PPP2R2B: variants seen among roughly 807,000 people sequenced by gnomAD.
PPP2R2B encodes the protein protein phosphatase 2 regulatory subunit Bbeta.
In PPP2R2B, 5 loss-of-function variants were observed where a neutral mutation model predicts 46.0. The ratio of observed to expected loss-of-function variants is 0.11; its 90% CI spans 0.06 to 0.23. The LOEUF is 0.23. PPP2R2B is among the 10% of genes least tolerant of loss of function. PPP2R2B has a pLI of 1.00. For missense variants in PPP2R2B, 367 were observed against 575.0 expected, an observed-to-expected ratio of 0.64 and a Z score of 3.70; for synonymous variants, 215 against 206.7, an observed-to-expected ratio of 1.04 and a Z score of -0.34.
intron 1 of PPP2R2B, among the ~76,000 whole-genome samples, chr5:146,930,282 A>G (rs2151821285): frequency 6.6e-6 from 1 of 152,294 alleles, no homozygotes; most frequent in Middle Eastern, 3.4e-3. Context: ...AGGAACAACA[A>G]GGACAGATGT....
intron 2 of PPP2R2B, among the ~76,000 whole-genome samples, chr5:146,811,622 G>A (rs562587681): frequency 3.5e-4 from 49 of 141,610 alleles, no homozygotes; most frequent in African/African-American, 4.0e-4. Context: ...GTGCAGTGGC[G>A]CGATCTCGGC....
chr5:146,674,501 C>G (rs1777579306), intron 5 of PPP2R2B, among the ~76,000 whole-genome samples: 1 of 152,220 alleles, frequency 6.6e-6, no homozygotes, highest in Admixed American at 6.5e-5. Context: ...ATTCCCTCAG[C>G]TCCTACATCC....
At chr5:147,077,212 A>C (rs1458716646) in intron 2 of PPP2R2B, among the ~76,000 whole-genome samples, 1 of 147,282 alleles carries the variant, frequency 6.8e-6, no homozygotes, top group East Asian at 1.9e-4. Context: ...TATGTACAAT[A>C]TACACATATG....
At chr5:146,756,831 A>G (rs1286556948) in intron 2 of PPP2R2B, among the ~76,000 whole-genome samples, 2 of 152,184 alleles carry the variant, frequency 1.3e-5, no homozygotes. Context: ...TGGATGGGTA[A>G]CAAGGCACAT....
At chr5:146,857,051 G>A (rs770466092) in intron 2 of PPP2R2B, among the ~76,000 whole-genome samples, 3 of 152,194 alleles carry the variant, frequency 2.0e-5, no homozygotes, top group Non-Finnish European at 4.4e-5. Context: ...GTAGTGATCA[G>A]GAGAGCTGGC....
intron 7 of PPP2R2B, among the ~76,000 whole-genome samples, chr5:146,636,775 G>A (rs75562149): frequency 6.3e-4 from 96 of 152,334 alleles, no homozygotes; most frequent in African/African-American, 2.3e-3. Flanking sequence ...AACCATCATT[G>A]CTATTTAACC....
At chr5:146,808,606 C>T (rs1757334951) in intron 2 of PPP2R2B, among the ~76,000 whole-genome samples, 2 of 152,208 alleles carry the variant, frequency 1.3e-5, no homozygotes, top group African/African-American at 2.4e-5. Flanking sequence ...AGTTCAAAGA[C>T]AGCATCCTAG....
chr5:146,947,042 C>T (rs1242673365), intron 1 of PPP2R2B, among the ~76,000 whole-genome samples: 1 of 67,518 alleles, frequency 1.5e-5, no homozygotes, highest in Admixed American at 1.8e-4. Context: ...TCTTCAGTTT[C>T]AGCCCCAAGG....
intron 2 of PPP2R2B, among the ~76,000 whole-genome samples, chr5:146,744,187 T>A (rs1753040691): frequency 6.6e-6 from 1 of 152,196 alleles, no homozygotes; most frequent in Non-Finnish European, 1.5e-5. Flanking sequence ...AGGCTGTTCC[T>A]GCATTTCCTC....
intron 1 of PPP2R2B, among the ~76,000 whole-genome samples, chr5:146,889,728 T>C (rs549266124): frequency 1.6e-4 from 24 of 152,332 alleles, no homozygotes; most frequent in African/African-American, 5.5e-4. Flanking sequence ...TGTGAGTTCT[T>C]CTAGTGAATT....
chr5:146,744,942 A>G (rs1339176572), intron 2 of PPP2R2B, among the ~76,000 whole-genome samples: 9 of 152,130 alleles, frequency 5.9e-5, no homozygotes, highest in African/African-American at 2.2e-4. Flanking sequence ...CAAACACACC[A>G]TAGAGATCAG....
intron 2 of PPP2R2B, among the ~76,000 whole-genome samples, chr5:146,785,735 A>T (rs1356327420): frequency 6.6e-6 from 1 of 152,190 alleles, no homozygotes; most frequent in South Asian, 2.1e-4. Flanking sequence ...CTTATTTTTC[A>T]CAGTTGAGGA....
intron 1 of PPP2R2B, among the ~76,000 whole-genome samples, chr5:147,005,924 T>C (rs1356999460): frequency 6.6e-6 from 1 of 152,178 alleles, no homozygotes; most frequent in Non-Finnish European, 1.5e-5. Flanking sequence ...TCTGTAACCC[T>C]ATAACACTTC....
rs1307212252 is a variant in PPP2R2B at position 146,934,976 on chromosome 5, A to C, written c.79+120689T>G. Among the ~76,000 whole-genome samples the C allele has an allele frequency of 2.6e-5, 4 of 152,224 alleles. No homozygotes were observed. The South Asian group carries it at 8.3e-4, about 31-fold the overall frequency. Reference sequence around the variant, plus strand: ...TACTGCAAAGCATTCATACTCCATCAGTTACCATTGATTAATTTATGCATT... The same window carrying C: ...TACTGCAAAGCATTCATACTCCATCCGTTACCATTGATTAATTTATGCATT... On this transcript the variant is annotated intron_variant, in intron 1 of 8. Coordinates refer to the PPP2R2B transcript ENST00000336640.
At chr5:146,777,822 A>C (rs1347739799) in intron 2 of PPP2R2B, among the ~76,000 whole-genome samples, 1 of 152,184 alleles carries the variant, frequency 6.6e-6, no homozygotes, top group Non-Finnish European at 1.5e-5. Context: ...GCAAAATGTA[A>C]TTGGTTAAAT....
intron 1 of PPP2R2B, among the ~76,000 whole-genome samples, chr5:146,949,882 ATTATG>A (rs1764598060): frequency 6.6e-6 from 1 of 152,126 alleles, no homozygotes; most frequent in Admixed American, 6.6e-5. Flanking sequence ...ACTAGAGTAC[ATTATG>A]TTAAGTAAAA....
At chr5:146,668,076 A>T (rs1305377896) in intron 5 of PPP2R2B, among the ~76,000 whole-genome samples, 1 of 152,142 alleles carries the variant, frequency 6.6e-6, no homozygotes, top group African/African-American at 2.4e-5. Flanking sequence ...TCCCTAAATC[A>T]TCCCAGAACC....
intron 8 of PPP2R2B, among the ~76,000 whole-genome samples, chr5:146,598,643 A>C (rs1376738114): frequency 2.0e-5 from 3 of 152,194 alleles, no homozygotes; most frequent in African/African-American, 7.2e-5. Flanking sequence ...CAGGACAAAA[A>C]TTTTGGAGTA....
intron 2 of PPP2R2B, among the ~76,000 whole-genome samples, chr5:146,850,933 A>G (rs1760311459): frequency 6.6e-6 from 1 of 152,156 alleles, no homozygotes; most frequent in Admixed American, 6.6e-5. Flanking sequence ...CTAGAATATT[A>G]AAGTCCTCTT....
Sources: gnomAD v4.1 joint callset for allele counts (sites outside exome capture counted in the v4.1 genomes callset) on GRCh38, gnomAD v4.1.1 for gene constraint, MANE v1.5 for transcripts, NCBI Gene and HGNC (gene_info 2026-07-23, HGNC 2026-07-21) for gene names.